The following CHST8 variants were observed in gnomAD, a reference collection of about 807,000 sequenced individuals.
CHST8 encodes GALNAC-4-ST1.
A neutral mutation model predicts 15.0 loss-of-function variants in CHST8; 10 were observed. The ratio of observed to expected loss-of-function variants is 0.67; its 90% confidence interval spans 0.41 to 1.13. The LOEUF (loss-of-function observed/expected upper bound fraction) is 1.13. Ranked by LOEUF, CHST8 falls within the 50% of genes most tolerant of loss-of-function variation. The pLI is 0.00. For missense variants in CHST8, 634 were observed against 608.2 expected (o/e 1.04, Z -0.45); for synonymous variants, 259 against 256.6 (o/e 1.01, Z -0.09).
chr19:33,714,403 A>T (rs1038406063), intron 3 of CHST8, among the ~76,000 whole-genome samples: 2 of 152,234 alleles, frequency 1.3e-5, no homozygotes, highest in African/African-American at 4.8e-5. Context: ...ACTCAGAAAC[A>T]GTCAAATACC....
chr19:33,748,815 T>C (rs1475946329), intron 3 of CHST8, among the ~76,000 whole-genome samples: 1 of 152,156 alleles, frequency 6.6e-6, no homozygotes, highest in East Asian at 1.9e-4. Flanking sequence ...CTAGGCCACT[T>C]TGCTTCATCC....
At chr19:33,661,736 A>G (rs1238981505) in intron 1 of CHST8, among the ~76,000 whole-genome samples, 1 of 152,106 alleles carries the variant, frequency 6.6e-6, no homozygotes, top group African/African-American at 2.4e-5. Context: ...GGTCTTTTTA[A>G]AAGGACAGTT....
Position 33,632,047 on chromosome 19 carries a change from C to A in CHST8, c.-164+9751C>A, listed in dbSNP as rs564146867. 5.1e-4 allele frequency among the ~76,000 whole-genome samples: 78 copies of A among 152,272 alleles called. 1 individual carries two copies. Among genetic ancestry groups the A allele is most frequent in the Non-Finnish European group, 1.3e-4 (9 of 68,036 alleles). The stretch of plus-strand genomic sequence containing the variant: ...GAAGCATATTGGTCAAGGGCCTTGC[C>A]TGGTGATGTGACAGAGGCTTAGGGG... On this transcript the variant is annotated intron_variant, in intron 1 of 4. Coordinates refer to ENST00000650847, the MANE Select transcript of CHST8 (RefSeq NM_001127895.2).
At chr19:33,713,645 AACCT>A (rs1243905367) in intron 3 of CHST8, among the ~76,000 whole-genome samples, 15 of 152,112 alleles carry the variant, frequency 9.9e-5, no homozygotes, top group African/African-American at 3.6e-4. Flanking sequence ...GGCTCACTGC[AACCT>A]CCAACTCCCA....
intron 3 of CHST8, among the ~76,000 whole-genome samples, chr19:33,716,040 CA>C (rs2145301558): frequency 6.6e-6 from 1 of 152,316 alleles, no homozygotes; most frequent in Non-Finnish European, 1.5e-5. Flanking sequence ...TTTGCAAAAA[CA>C]AAAACAGTCT....
At chr19:33,649,569 G>A (rs958092062) in intron 1 of CHST8, among the ~76,000 whole-genome samples, 1 of 152,162 alleles carries the variant, frequency 6.6e-6, no homozygotes, top group Non-Finnish European at 1.5e-5. Context: ...ACATTCATGA[G>A]GGGGGTCTGG....
intron 2 of CHST8, among the ~76,000 whole-genome samples, chr19:33,678,552 G>A (rs1273679230): frequency 6.6e-6 from 1 of 151,980 alleles, no homozygotes; most frequent in Non-Finnish European, 1.5e-5. Context: ...GACCAGCCTG[G>A]GCAACATAGT....
At chr19:33,722,922 C>T (rs1187072481) in intron 3 of CHST8, among the ~76,000 whole-genome samples, 1 of 152,238 alleles carries the variant, frequency 6.6e-6, no homozygotes, top group African/African-American at 2.4e-5. Context: ...AGGGGGTCTG[C>T]ATCTATCAAG....
chr19:33,693,165 C>T (rs1973131851), intron 3 of CHST8, among the ~76,000 whole-genome samples: 2 of 151,998 alleles, frequency 1.3e-5, no homozygotes, highest in Admixed American at 6.6e-5. Context: ...CACCACCACC[C>T]CTGGCTAATT....
chr19:33,664,859 C>A (rs907044239), intron 1 of CHST8, among the ~76,000 whole-genome samples: 1 of 152,064 alleles, frequency 6.6e-6, no homozygotes, highest in African/African-American at 2.4e-5. Context: ...ATTTATCTTT[C>A]TATGCTTGGC....
At position 33,771,948 on chromosome 19, in the gene CHST8, T is replaced by C. The variant is rs374878259; in HGVS notation, c.169-9T>C. 1.0e-4 allele frequency: 156 copies of C among 1,546,042 alleles called. No homozygotes were observed. Among genetic ancestry groups the C allele is most frequent in the Admixed American group, 1.7e-4 (8 of 48,224 alleles). On this transcript the variant is annotated splice_polypyrimidine_tract_variant and intron_variant, in intron 4 of 4. Coordinates refer to ENST00000650847, the MANE Select transcript of CHST8 (RefSeq NM_001127895.2). ...TCCACTCAGATAACCACTTCTCTTC[T>C]TGCCCCAGGACCTCCCACCAGGCGG...
rs1414195403 is a variant in CHST8 at position 33,689,377 on chromosome 19, C to T, written c.116C>T (p.Pro39Leu). ...CTGCAGGACCCTACGGAGCTCGCCC[C>T]CCAGCAGGTGCCAGGTGAGTCCTTG... ...ISLQDPTELA[P>L]QQVPGIKFNI... is the part of the protein sequence containing the mutation. Residue 39 changes from proline (P) to leucine (L), a missense_variant, in exon 3 of 5, where the codon CCC becomes CTC. Transcript: ENST00000650847. 2 of 1,597,648 alleles carry T rather than the reference C, an allele frequency of 1.3e-6. No homozygotes were observed. The highest frequency in any genetic ancestry group is 1.7e-6 in the Non-Finnish European group (2 of 1,174,510).
chr19:33,748,312 G>A (rs1033808166), intron 3 of CHST8, among the ~76,000 whole-genome samples: 4 of 152,240 alleles, frequency 2.6e-5, no homozygotes, highest in South Asian at 2.1e-4. Context: ...TAATGGGTCC[G>A]AACCTGACCA....
At chr19:33,721,220 G>C (rs1454384126) in intron 3 of CHST8, among the ~76,000 whole-genome samples, 1 of 152,196 alleles carries the variant, frequency 6.6e-6, no homozygotes, top group Admixed American at 6.5e-5. Context: ...GTCAGCATTG[G>C]CTCCAGCAGC....
intron 3 of CHST8, among the ~76,000 whole-genome samples, chr19:33,760,556 G>C (rs1331781264): frequency 6.6e-6 from 1 of 151,744 alleles, no homozygotes; most frequent in Non-Finnish European, 1.5e-5. Flanking sequence ...CTGGCCTCAA[G>C]TAATCCATCC....
chr19:33,669,583 G>A (rs1018720408), intron 2 of CHST8, among the ~76,000 whole-genome samples: 1 of 152,122 alleles, frequency 6.6e-6, no homozygotes, highest in Non-Finnish European at 1.5e-5. Flanking sequence ...GATCCAAAAC[G>A]CCTGCCACCC....
At chr19:33,696,891 A>T (rs977523102) in intron 3 of CHST8, among the ~76,000 whole-genome samples, 7 of 150,554 alleles carry the variant, frequency 4.6e-5, no homozygotes, top group Non-Finnish European at 5.9e-5. Context: ...CCCAGGCTAG[A>T]GTCCAATGGT....
chr19:33,730,369 G>A (rs1329522703), intron 3 of CHST8, among the ~76,000 whole-genome samples: 2 of 152,210 alleles, frequency 1.3e-5, no homozygotes, highest in Non-Finnish European at 2.9e-5. Context: ...CTGTACAATA[G>A]ATGTAAGGTT....
intron 1 of CHST8, among the ~76,000 whole-genome samples, chr19:33,648,994 C>T (rs945486641): frequency 6.7e-6 from 1 of 149,742 alleles, no homozygotes; most frequent in African/African-American, 2.5e-5. Flanking sequence ...AGCTCCACCC[C>T]CCAGGTTCAC....
Sources: allele counts gnomAD v4.1 joint callset (sites outside exome capture counted in the v4.1 genomes callset), GRCh38; gene constraint gnomAD v4.1.1; transcripts MANE v1.5; gene names NCBI Gene and HGNC (gene_info 2026-07-23, HGNC 2026-07-21).